C17orf67: variants seen among roughly 807,000 people sequenced by gnomAD.
The protein encoded by C17orf67 is chromosome 17 open reading frame 67.
In C17orf67, 12 loss-of-function variants were observed where a neutral mutation model predicts 11.2. The ratio of observed to expected loss-of-function variants is 1.07; its 90% confidence interval spans 0.68 to 1.73. C17orf67 has a LOEUF of 1.73. Ranked by LOEUF, C17orf67 falls within the 40% of genes most tolerant of loss-of-function variation. The probability of loss-of-function intolerance (pLI) is 0.00; values close to 1 mark genes in which losing one functional copy is unlikely to be tolerated. For missense variants in C17orf67, 115 were observed against 113.5 expected, an observed-to-expected ratio of 1.01 and a Z score of -0.06; for synonymous variants, 59 against 46.9, an observed-to-expected ratio of 1.26 and a Z score of -1.05.
chr17:56,805,971 CTT>C (rs10684052), intron 6 of C17orf67, among the ~76,000 whole-genome samples: 2 of 98,014 alleles, frequency 2.0e-5, no homozygotes, highest in African/African-American at 4.0e-5. Flanking sequence ...GTTGATTTTC[CTT>C]TTTTTTTTTT....
intron 2 of C17orf67, among the ~76,000 whole-genome samples, chr17:56,831,363 G>T (rs1906195613): frequency 1.3e-5 from 2 of 152,148 alleles, no homozygotes; most frequent in African/African-American, 2.4e-5. Context: ...TCCTTTGCTG[G>T]AACAGAGAGG....
intron 7 of C17orf67, among the ~76,000 whole-genome samples, chr17:56,794,290 A>G (rs1905168170): frequency 6.6e-6 from 1 of 152,232 alleles, no homozygotes; most frequent in East Asian, 1.9e-4. Context: ...AACCACAAAG[A>G]TAAACTACCT....
chr17:56,828,666 T>C (rs1483963651), intron 2 of C17orf67, among the ~76,000 whole-genome samples: 1 of 152,198 alleles, frequency 6.6e-6, no homozygotes. Context: ...GGAGCTCTGG[T>C]GTGCCCAGTT....
At chr17:56,818,514 G>A (rs915327255) in intron 4 of C17orf67, among the ~76,000 whole-genome samples, 3 of 151,974 alleles carry the variant, frequency 2.0e-5, no homozygotes, top group African/African-American at 7.2e-5. Context: ...AACAGAACAA[G>A]ACCCTGTCTC....
At chr17:56,809,424 G>A (rs757322723) in intron 6 of C17orf67, among the ~76,000 whole-genome samples, 2 of 151,960 alleles carry the variant, frequency 1.3e-5, no homozygotes, top group African/African-American at 2.4e-5. Flanking sequence ...CAAGGCGAAA[G>A]TAGAAGAGGG....
At chr17:56,819,456 A>G (rs2144140868) in intron 4 of C17orf67, among the ~76,000 whole-genome samples, 1 of 152,326 alleles carries the variant, frequency 6.6e-6, no homozygotes. Flanking sequence ...CTTCACTGGT[A>G]AGCTTTAAGC....
Position 56,807,900 on chromosome 17 carries a change from AAAT to A in C17orf67, c.156+6966_156+6968del, listed in dbSNP as rs1242556236. ...GTGAGACCCTGTCTCAAAAATAAAT[AAAT>A]AATAAATAAATAAATAAATAAATAA... On this transcript the variant is annotated intron_variant, in intron 6 of 7. Coordinates refer to ENST00000397861, the MANE Select transcript of C17orf67 (RefSeq NM_001085430.4). 3.8e-3 allele frequency among the ~76,000 whole-genome samples: 366 copies of A among 95,842 alleles called. 1 individual carries two copies. The highest frequency in any genetic ancestry group is 0.011 in the African/African-American group (310 of 27,790). 62.9% of individuals were successfully genotyped at this position (95,842 alleles called of 152,430 possible).
intron 6 of C17orf67, among the ~76,000 whole-genome samples, chr17:56,807,733 G>C (rs1905487670): frequency 1.3e-5 from 2 of 151,696 alleles, no homozygotes; most frequent in African/African-American, 2.4e-5. Context: ...TCAGGATCTT[G>C]AGCCTTCATT....
At chr17:56,829,536 C>A (rs752386754) in intron 2 of C17orf67, among the ~76,000 whole-genome samples, 1 of 152,112 alleles carries the variant, frequency 6.6e-6, no homozygotes, top group Non-Finnish European at 1.5e-5. Context: ...CTTAGGGCAG[C>A]GCTGTTCTCT....
Position 56,795,175 on chromosome 17 carries a change from G to A in C17orf67, c.162C>T (p.Tyr54=). The change falls in exon 7 of 8, where the codon TAC becomes TAT. Residue 54 remains tyrosine (Y), a synonymous_variant. Coordinates refer to ENST00000397861, the MANE Select transcript of C17orf67 (RefSeq NM_001085430.4). ...PGFPDEPMRE[Y]MHHLLALEHR... ...GCTCCAGGGCGAGCAGGTGGTGCAT[G>A]TATTCCTGTCAAAACAAACCACACT... The A allele has an allele frequency of 6.2e-7, 1 of 1,613,936 alleles. No individual in the cohort carries two copies. The highest frequency in any genetic ancestry group is 8.5e-7 in the Non-Finnish European group (1 of 1,179,940).
chr17:56,808,283 AAT>A (rs1251907139), intron 6 of C17orf67, among the ~76,000 whole-genome samples: 1 of 152,206 alleles, frequency 6.6e-6, no homozygotes, highest in African/African-American at 2.4e-5. Context: ...AGCAGTGGGT[AAT>A]AACAGCACAG....
intron 6 of C17orf67, among the ~76,000 whole-genome samples, chr17:56,800,858 G>A (rs998327624): frequency 1.3e-5 from 2 of 151,642 alleles, no homozygotes; most frequent in Non-Finnish European, 2.9e-5. Flanking sequence ...AGTGGAGGTC[G>A]TAGGTGGGTT....
chr17:56,792,685 GTGA>G (rs1178023631), intron 7 of C17orf67, among the ~76,000 whole-genome samples: 2 of 132,076 alleles, frequency 1.5e-5, no homozygotes, highest in African/African-American at 5.7e-5. Context: ...GGGGTTGATG[GTGA>G]TGATGGTGGC....
chr17:56,795,507 CT>C (rs1366423957), intron 6 of C17orf67, among the ~76,000 whole-genome samples: 1 of 152,192 alleles, frequency 6.6e-6, no homozygotes, highest in Non-Finnish European at 1.5e-5. Context: ...GGACGTCAAA[CT>C]TTATCAGATA....
rs577585465 is a variant in C17orf67 at position 56,831,812 on chromosome 17, C to T, written c.-557+1086G>A. On this transcript the variant is annotated intron_variant, in intron 2 of 7. Coordinates refer to ENST00000397861, the MANE Select transcript of C17orf67 (RefSeq NM_001085430.4). Reference sequence around the variant, plus strand: ...CGACTGATGAAGATCCCCTCCTTGACCAAGCTCTAGCCAGGCTTCCCTGAG... The same window carrying T: ...CGACTGATGAAGATCCCCTCCTTGATCAAGCTCTAGCCAGGCTTCCCTGAG... Among the ~76,000 whole-genome samples, 5 of 152,308 alleles carry T rather than the reference C, an allele frequency of 3.3e-5. No homozygotes were observed. The South Asian group carries it at 1.0e-3, about 32-fold the overall frequency.
At chr17:56,809,793 CCT>C (rs1443050764) in intron 6 of C17orf67, among the ~76,000 whole-genome samples, 16 of 145,238 alleles carry the variant, frequency 1.1e-4, no homozygotes, top group African/African-American at 3.3e-4. Flanking sequence ...TACACAGACC[CCT>C]CACACACCCC....
intron 6 of C17orf67, among the ~76,000 whole-genome samples, chr17:56,805,239 G>A (rs1337657480): frequency 6.6e-6 from 1 of 152,164 alleles, no homozygotes; most frequent in Non-Finnish European, 1.5e-5. Flanking sequence ...GTGAGTTTTT[G>A]GGGATGAATA....
chr17:56,792,801 G>A (rs373721007), intron 7 of C17orf67, among the ~76,000 whole-genome samples: 1 of 138,498 alleles, frequency 7.2e-6, no homozygotes. Context: ...GGTGGTGGTG[G>A]TGGTGGTGGT....
At chr17:56,830,375 T>C (rs945120219) in intron 2 of C17orf67, among the ~76,000 whole-genome samples, 1 of 151,754 alleles carries the variant, frequency 6.6e-6, no homozygotes, top group African/African-American at 2.4e-5. Context: ...AAAAAATTTA[T>C]GCAAAGGGAG....
Sources: gnomAD v4.1 joint callset for allele counts (sites outside exome capture counted in the v4.1 genomes callset) on GRCh38, gnomAD v4.1.1 for gene constraint, MANE v1.5 for transcripts, NCBI Gene and HGNC (gene_info 2026-07-23, HGNC 2026-07-21) for gene names.